NRAP: variants seen among roughly 807,000 people sequenced by gnomAD.
The protein encoded by NRAP is nebulin-related-anchoring protein.
A neutral mutation model predicts 225.9 loss-of-function variants in NRAP; 189 were observed. That is an observed-to-expected ratio of 0.84 (90% confidence interval 0.74 to 0.94). The LOEUF (loss-of-function observed/expected upper bound fraction) is 0.94. NRAP is among the 40% of genes least tolerant of loss of function. The pLI is 0.00. For synonymous variants in NRAP, 769 were observed against 790.7 expected (o/e 0.97, Z 0.46); for missense variants, 2,176 against 2,168.7 (o/e 1.00, Z -0.07).
rs1261317069 is a variant in NRAP at position 113,641,438 on chromosome 10, C to T, written c.1250G>A (p.Arg417Lys). ...CATACCAACTCCTTCATAGCGGCCT[C>T]TCATGTGGTTCTGGTAGTTTTCTTT... ...KYKENYQNHM[R>K]GRYEGVGMDR... Residue 417 changes from arginine to lysine, a missense_variant, in exon 13 of 42, where the codon AGA (arginine) becomes AAA (lysine). Transcript: ENST00000359988. 6.2e-7 allele frequency: 1 copy of T among 1,613,776 alleles called. No individual in the cohort carries two copies.
chr10:113,652,616 A>T (rs1164796388), intron 6 of NRAP, among the ~76,000 whole-genome samples: 2 of 151,748 alleles, frequency 1.3e-5, no homozygotes, highest in Admixed American at 6.6e-5. Context: ...AAAATAAAAT[A>T]AAAATAAAAA....
intron 12 of NRAP, among the ~76,000 whole-genome samples, chr10:113,641,901 T>C (rs1050789749): frequency 9.2e-5 from 14 of 152,188 alleles, no homozygotes; most frequent in Non-Finnish European, 1.8e-4. Flanking sequence ...TTTCTAAATA[T>C]ATGAAGGACA....
At position 113,605,027 on chromosome 10, in the gene NRAP, A is replaced by G. The variant is rs1229042041; in HGVS notation, c.3916-107T>C. On this transcript the variant is annotated intron_variant, in intron 34 of 41. Coordinates refer to ENST00000359988, the MANE Select transcript of NRAP (RefSeq NM_198060.4). The stretch of plus-strand genomic sequence containing the variant: ...GGAGGTGATGATTATAAGAAAAACC[A>G]CAGTGGGGCTGGCCTGAGAGTGTGC... 8 of 1,248,318 alleles carry G rather than the reference A, an allele frequency of 6.4e-6. No homozygotes were observed. The African/African-American group carries it at 1.2e-4, about 19-fold the overall frequency. The allele number at this position is 1,248,318 out of a possible 1,614,324, so 77.3% of individuals were successfully genotyped here.
Position 113,657,557 on chromosome 10 carries a change from A to G in NRAP, c.273T>C (p.Asp91=). Residue 91 remains aspartate, a synonymous_variant, in exon 4 of 42, where the codon GAT becomes GAC. Coordinates refer to ENST00000359988, the MANE Select transcript of NRAP (RefSeq NM_198060.4). ...EAISGIHDQE[D]GEQCKSVFHW... ...GAAAAACTGATTTACACTGTTCACC[A>G]TCTTCTTGGTCATGGATCTGCTCAA... 1 of 1,585,524 alleles carries G rather than the reference A, an allele frequency of 6.3e-7. No homozygotes were observed. The highest frequency in any genetic ancestry group is 8.7e-7 in the Non-Finnish European group (1 of 1,153,960).
intron 32 of NRAP, among the ~76,000 whole-genome samples, 187 bp downstream of exon 32, chr10:113,608,227 T>C (rs1014689947): frequency 3.9e-5 from 6 of 152,218 alleles, no homozygotes; most frequent in Non-Finnish European, 8.8e-5. Context: ...CTACAGACAA[T>C]CCCAGATTCC....
At chr10:113,608,708 T>A (rs549079301) in intron 31 of NRAP, among the ~76,000 whole-genome samples, 196 bp from the exon 32 acceptor site, 2 of 152,358 alleles carry the variant, frequency 1.3e-5, no homozygotes, top group East Asian at 3.9e-4. Context: ...GAGGATAGGA[T>A]GGACTGAATC....
chr10:113,648,880 AC>A (rs1465954575), intron 9 of NRAP, among the ~76,000 whole-genome samples: 2 of 152,228 alleles, frequency 1.3e-5, no homozygotes, highest in Non-Finnish European at 2.9e-5. Flanking sequence ...ATGTCTAGGT[AC>A]ACATATGAAA....
chr10:113,631,087 A>G (rs1186233993), intron 18 of NRAP, among the ~76,000 whole-genome samples: 2 of 152,152 alleles, frequency 1.3e-5, no homozygotes, highest in Non-Finnish European at 2.9e-5. Context: ...ATATTTGAAT[A>G]CCATAAGTGT....
intron 20 of NRAP, among the ~76,000 whole-genome samples, chr10:113,627,711 G>A (rs1848362444): frequency 6.6e-6 from 1 of 152,194 alleles, no homozygotes; most frequent in East Asian, 1.9e-4. Context: ...ACTGTCTCAT[G>A]GTCAAGAGCT....
intron 25 of NRAP, among the ~76,000 whole-genome samples, chr10:113,619,028 G>A (rs1306327683): frequency 6.6e-6 from 1 of 152,138 alleles, no homozygotes; most frequent in African/African-American, 2.4e-5. Context: ...AGATGGGGGG[G>A]AAAGTTGCTG....
At chr10:113,637,434 G>T (rs1848938410) in intron 14 of NRAP, among the ~76,000 whole-genome samples, 1 of 152,224 alleles carries the variant, frequency 6.6e-6, no homozygotes. Context: ...CAAAGCTAGT[G>T]TGCTTAGAGC....
chr10:113,613,433 T>C (rs2133939938), intron 29 of NRAP, among the ~76,000 whole-genome samples: 2 of 152,096 alleles, frequency 1.3e-5, no homozygotes, highest in Admixed American at 1.3e-4. Context: ...TATGAGAAAA[T>C]AAGGAAGAAT....
At position 113,612,410 on chromosome 10, in the gene NRAP, C is replaced by A; in HGVS notation, c.3322G>T (p.Glu1108Ter). ...QSDVNYKKGFEHSKAQFHLPL... is the reference protein window; with the variant it reads ...QSDVNYKKGF ...AGATGGAACTGCGCCTTTGAGTGTT[C>A]AAAGCCTTTCTTGTAATTCACCTAG... The change falls in exon 30 of 42, where the codon GAA (glutamate) becomes TAA (stop). Residue 1108 changes from glutamate (E) to a stop codon, truncating the protein, a stop_gained. Coordinates refer to ENST00000359988, the MANE Select transcript of NRAP (RefSeq NM_198060.4). LOFTEE classifies it high-confidence loss of function. 1 of 1,614,080 alleles carries A rather than the reference C, an allele frequency of 6.2e-7. No individual in the cohort carries two copies. Among genetic ancestry groups the A allele is most frequent in the South Asian group, 1.1e-5 (1 of 91,064 alleles).
At chr10:113,637,869 C>T (rs755778747) in intron 14 of NRAP, among the ~76,000 whole-genome samples, 12 of 151,690 alleles carry the variant, frequency 7.9e-5, no homozygotes, top group Non-Finnish European at 1.8e-4. Flanking sequence ...TTGCTATGAG[C>T]CGAGATCGCA....
rs748922466 is a variant in NRAP, at chr10:113,634,193, G to A, written c.1446C>T (p.Ser482=). 6.2e-7 allele frequency: 1 copy of A among 1,612,426 alleles called. No individual in the cohort carries two copies. Among genetic ancestry groups the A allele is most frequent in the Admixed American group, 1.7e-5 (1 of 60,024 alleles). Residue 482 remains serine (S), a synonymous_variant, in exon 15 of 42, where the codon AGC becomes AGT. Coordinates refer to ENST00000359988, the MANE Select transcript of NRAP (RefSeq NM_198060.4). ...CCGAGCTGTACTTCAACTTGTCGAT[G>A]CTCTGCCTATAATTGGCCTAGGTAA... The part of the protein sequence containing the change: ...VPLKDANYRQ[S]IDKLKYSSVT...
intron 9 of NRAP, among the ~76,000 whole-genome samples, chr10:113,648,940 G>A (rs1224114062): frequency 2.0e-5 from 3 of 152,086 alleles, no homozygotes; most frequent in Non-Finnish European, 4.4e-5. Context: ...GCCAAATACA[G>A]GACAAAATAC....
chr10:113,613,910 G>A (rs758003619), intron 29 of NRAP, among the ~76,000 whole-genome samples: 26 of 152,126 alleles, frequency 1.7e-4, no homozygotes, highest in Non-Finnish European at 3.2e-4. Flanking sequence ...ATCCAGCCCA[G>A]GGTCAAATCC....
intron 41 of NRAP, chr10:113,589,296 C>G (rs1422269528): frequency 1.7e-6 from 1 of 584,120 alleles, no homozygotes; most frequent in Admixed American, 3.2e-5. Flanking sequence ...CTTCTTTCTT[C>G]TGAACAAAGT....
At chr10:113,639,861 T>G (rs1174850794) in intron 14 of NRAP, among the ~76,000 whole-genome samples, 2 of 152,200 alleles carry the variant, frequency 1.3e-5, no homozygotes, top group Non-Finnish European at 2.9e-5. Context: ...CCTTCAACTC[T>G]TAACATACTA....
Sources: allele counts gnomAD v4.1 joint callset (sites outside exome capture counted in the v4.1 genomes callset), GRCh38; gene constraint gnomAD v4.1.1; transcripts MANE v1.5; gene names NCBI Gene and HGNC (gene_info 2026-07-23, HGNC 2026-07-21).